The following ZYX variants were observed in gnomAD, a reference collection of about 807,000 sequenced individuals.
ZYX encodes zyxin, also known as zyxin-2.
ZYX carries 37 observed loss-of-function variants against 58.1 expected under a neutral mutation model. The ratio of observed to expected loss-of-function variants is 0.64; its 90% CI spans 0.49 to 0.84. ZYX has a LOEUF of 0.84. Ranked by LOEUF, ZYX falls within the 40% of genes least tolerant of loss-of-function variation. The pLI, the probability that ZYX is intolerant of heterozygous loss-of-function variation, is 0.00. For synonymous variants in ZYX, 324 were observed against 321.1 expected (o/e 1.01, Z -0.10); for missense variants, 762 against 761.6 (o/e 1.00, Z -0.01).
chr7:143,388,101 A>C lies in ZYX; in HGVS notation c.1024-118A>C. On this transcript the variant is annotated intron_variant, in intron 5 of 9. Transcript: ENST00000322764. This position sits in a 1 kb window ranked among gnomAD's most constrained non-coding sequence, Gnocchi z 7.5. ...GGAGAAGCTTTAAGGGTCAAGCCTG[A>C]GCATCTGGGACACGAGCTGGGAGCT... The C allele has an allele frequency of 7.9e-7, 1 of 1,271,540 alleles. No homozygotes were observed. The allele number at this position is 1,271,540 out of a possible 1,614,324, so 78.8% of individuals were successfully genotyped here. A position where few individuals can be genotyped will look rare whatever the true frequency, so the allele number is the denominator to read the frequency against.
rs544777212 is a variant in ZYX, at chr7:143,382,844, G to C, written c.545G>C (p.Ser182Thr). ...YVPPPVATPFSSKSSTKPAAG... is the reference protein window; with the variant it reads ...YVPPPVATPFTSKSSTKPAAG... ...CCCCCACCAGTGGCCACTCCATTCA[G>C]TTCCAAGTCCAGTACCAAGCCTGCA... The change falls in exon 5 of 10, where the codon AGT becomes ACT. Residue 182 changes from serine (S) to threonine (T), a missense_variant. Physicochemically the swap from Ser to Thr is moderately conservative, Grantham distance 58. Coordinates refer to ENST00000322764, the MANE Select transcript of ZYX (RefSeq NM_003461.5). 23 of 1,609,914 alleles carry C rather than the reference G, an allele frequency of 1.4e-5. No individual in the cohort carries two copies. In the South Asian group the frequency reaches 2.3e-4, roughly 16 times the overall value.
rs1805030968 is a variant in ZYX at position 143,390,512 on chromosome 7, G to A, written c.1615-66G>A. The A allele has an allele frequency of 6.8e-6, 8 of 1,176,310 alleles. No individual in the cohort carries two copies. Among genetic ancestry groups the A allele is most frequent in the Admixed American group, 6.1e-5 (3 of 49,440 alleles). The allele number at this position is 1,176,310 out of a possible 1,614,324, so 72.9% of individuals were successfully genotyped here. A position where few individuals can be genotyped will look rare whatever the true frequency, so the allele number is the denominator to read the frequency against. ...TAATTCCAAGATGGAGCTGGATGGG[G>A]TGGGGTAGGGTGGAGCAGAGCAGGG... On this transcript the variant is annotated intron_variant, in intron 9 of 9. Coordinates refer to ENST00000322764, the MANE Select transcript of ZYX (RefSeq NM_003461.5). This position sits in a 1 kb window ranked among gnomAD's most constrained non-coding sequence, Gnocchi z 4.3.
At position 143,390,621 on chromosome 7, in the gene ZYX, G is replaced by T; in HGVS notation, c.1658G>T (p.Cys553Phe). ...PLSIEADDNG[C>F]FPLDGHVLCR... ...TCGATTGAGGCAGATGACAATGGCT[G>T]CTTCCCCCTGGACGGTCACGTGCTC... Residue 553 changes from cysteine (C) to phenylalanine (F), a missense_variant, in exon 10 of 10, where the codon TGC becomes TTC. By Grantham distance (205) the Cys-to-Phe change is radical. Coordinates refer to ENST00000322764, the MANE Select transcript of ZYX (RefSeq NM_003461.5). This position sits in a 1 kb window ranked among gnomAD's most constrained non-coding sequence, Gnocchi z 4.3. The T allele has an allele frequency of 6.3e-7, 1 of 1,585,558 alleles. No individual in the cohort carries two copies. The highest frequency in any genetic ancestry group is 1.2e-5 in the South Asian group (1 of 86,520).
At position 143,382,981 on chromosome 7, in the gene ZYX, C is replaced by T. The variant is rs1343009979; in HGVS notation, c.682C>T (p.Pro228Ser). ...GACACAGTTCCATGTTCAGCCCCAG[C>T]CCCAGCCCAAGCCTCAGGTCCAACT... is the stretch of plus-strand genomic sequence containing the variant. Reference protein sequence around the residue: ...SQTQFHVQPQPQPKPQVQLHV... With the variant: ...SQTQFHVQPQSQPKPQVQLHV... Residue 228 changes from proline (P) to serine (S), a missense_variant, in exon 5 of 10, where the codon CCC becomes TCC. Pro to Ser is a moderately conservative substitution (Grantham distance 74). Coordinates refer to ENST00000322764, the MANE Select transcript of ZYX (RefSeq NM_003461.5). The T allele has an allele frequency of 3.7e-6, 6 of 1,613,378 alleles. No homozygotes were observed. Among genetic ancestry groups the T allele is most frequent in the Non-Finnish European group, 5.1e-6 (6 of 1,179,442 alleles).
chr7:143,386,873 G>A (rs548202913), intron 5 of ZYX, among the ~76,000 whole-genome samples: 5 of 152,288 alleles, frequency 3.3e-5, no homozygotes, highest in Non-Finnish European at 5.9e-5. Context: ...GGTTTGAAGC[G>A]GTGGCATTGG....
At position 143,388,641 on chromosome 7, in the gene ZYX, T is replaced by G; in HGVS notation, c.1297T>G (p.Cys433Gly). Reference sequence around the variant, plus strand: ...CTACAGTCTGGAGGGGGCGCCGTACTGCGAGGGCTGTTACACTGTGAGTCG... The same window carrying G: ...CTACAGTCTGGAGGGGGCGCCGTACGGCGAGGGCTGTTACACTGTGAGTCG... ...QFYSLEGAPYCEGCYTDTLEK... is the reference protein window; with the variant it reads ...QFYSLEGAPYGEGCYTDTLEK... Residue 433 changes from cysteine (C) to glycine (G), a missense_variant, in exon 7 of 10, where the codon TGC becomes GGC. Physicochemically the swap from Cys to Gly is radical, Grantham distance 159 (BLOSUM62 -3). Transcript: ENST00000322764. This position sits in a 1 kb window ranked among gnomAD's most constrained non-coding sequence, Gnocchi z 7.5. 6.2e-7 allele frequency: 1 copy of G among 1,613,654 alleles called. No individual in the cohort carries two copies. Among genetic ancestry groups the G allele is most frequent in the Non-Finnish European group, 8.5e-7 (1 of 1,179,906 alleles).
Position 143,382,700 on chromosome 7 carries a change from A to G in ZYX, c.501+15A>G, listed in dbSNP as rs1346867909. 17 of 1,613,920 alleles carry G rather than the reference A, an allele frequency of 1.1e-5. No individual in the cohort carries two copies. The highest frequency in any genetic ancestry group is 1.4e-5 in the Non-Finnish European group (16 of 1,179,980). On this transcript the variant is annotated intron_variant, in intron 4 of 9. Transcript: ENST00000322764. ...TCAAAGCCCGGGTAAGGGACCGGAG[A>G]GTAGGAAAAGCAGGGCTCAGGGCCA...
At position 143,390,007 on chromosome 7, in the gene ZYX, G is replaced by T; in HGVS notation, c.1614+30G>T. On this transcript the variant is annotated intron_variant, in intron 9 of 9. Transcript: ENST00000322764. This position sits in a 1 kb window ranked among gnomAD's most constrained non-coding sequence, Gnocchi z 4.3. ...GCCATCCCTCTGGACTCCTTGGGCA[G>T]GTTCTGACCAGGAGGTGGCGGGAGA... is the stretch of plus-strand genomic sequence containing the variant. The T allele has an allele frequency of 6.2e-7, 1 of 1,611,112 alleles. No homozygotes were observed. The highest frequency in any genetic ancestry group is 8.5e-7 in the Non-Finnish European group (1 of 1,177,876).
At chr7:143,386,076 T>A (rs577493065) in intron 5 of ZYX, among the ~76,000 whole-genome samples, 7 of 151,916 alleles carry the variant, frequency 4.6e-5, no homozygotes, top group African/African-American at 1.7e-4. Flanking sequence ...TATGTGTGTG[T>A]GCATGTGAGT....
rs1804951676 is a variant in ZYX at position 143,388,612 on chromosome 7, A to G, written c.1268A>G (p.Gln423Arg). 1 of 1,613,344 alleles carries G rather than the reference A, an allele frequency of 6.2e-7. No individual in the cohort carries two copies. Among genetic ancestry groups the G allele is most frequent in the African/African-American group, 1.3e-5 (1 of 75,012 alleles). Residue 423 changes from glutamine (Q) to arginine (R), a missense_variant, in exon 7 of 10, where the codon CAG becomes CGG. Coordinates refer to ENST00000322764, the MANE Select transcript of ZYX (RefSeq NM_003461.5). This position sits in a 1 kb window ranked among gnomAD's most constrained non-coding sequence, Gnocchi z 7.5. The stretch of plus-strand genomic sequence containing the variant: ...TGTGCGCAGCAGCTCCAGGGCCAGC[A>G]GTTCTACAGTCTGGAGGGGGCGCCG... Reference protein sequence around the residue: ...HQCAQQLQGQQFYSLEGAPYC... With the variant: ...HQCAQQLQGQRFYSLEGAPYC...
Position 143,389,750 on chromosome 7 carries a change from T to C in ZYX, c.1494-107T>C. On this transcript the variant is annotated intron_variant, in intron 8 of 9. Coordinates refer to ENST00000322764, the MANE Select transcript of ZYX (RefSeq NM_003461.5). The surrounding 1 kb of genome is among the most constrained non-coding windows in gnomAD (Gnocchi z 5.6). The stretch of plus-strand genomic sequence containing the variant: ...CTGGTGAGCTTCCTTCACCTGGAGA[T>C]GCAGGGCAGAGAAGTCTGCTTCCTT... The C allele has an allele frequency of 6.7e-7, 1 of 1,501,064 alleles. No homozygotes were observed. The allele number at this position is 1,501,064 out of a possible 1,614,324, so 93.0% of individuals were successfully genotyped here.
At chr7:143,385,345 G>A (rs540742456) in intron 5 of ZYX, among the ~76,000 whole-genome samples, 1 of 151,730 alleles carries the variant, frequency 6.6e-6, no homozygotes, top group Non-Finnish European at 1.5e-5. Context: ...ATACACATAT[G>A]TGAATATATG....
chr7:143,383,564 A>T (rs1804746519), intron 5 of ZYX, among the ~76,000 whole-genome samples: 1 of 152,162 alleles, frequency 6.6e-6, no homozygotes, highest in Non-Finnish European at 1.5e-5. Flanking sequence ...GACGGCGCAG[A>T]GAGCATGGGC....
chr7:143,382,211 G>A, intron 2 of ZYX, 37 bp from the exon 3 acceptor site: 3 of 1,575,496 alleles, frequency 1.9e-6, no homozygotes, highest in South Asian at 1.1e-5. Context: ...GAGGGGTAGA[G>A]GGACCCCGGC....
At position 143,390,714 on chromosome 7, in the gene ZYX, A is replaced by G; in HGVS notation, c.*32A>G. On this transcript the variant is annotated 3_prime_UTR_variant, in exon 10 of 10. Transcript: ENST00000322764. The surrounding 1 kb of genome is among the most constrained non-coding windows in gnomAD (Gnocchi z 4.3). ...ACAGGCCCTCTTCAGACCGCAGTCC[A>G]TGCCCCATTGTGGACCACCCACACT... 2 of 1,516,174 alleles carry G rather than the reference A, an allele frequency of 1.3e-6. No homozygotes were observed. The highest frequency in any genetic ancestry group is 2.4e-5 in the East Asian group (1 of 41,576). 93.9% of individuals were successfully genotyped at this position (1,516,174 alleles called of 1,614,324 possible).
At position 143,388,034 on chromosome 7, in the gene ZYX, T is replaced by G; in HGVS notation, c.1024-185T>G. 26 of 643,864 alleles carry G rather than the reference T, an allele frequency of 4.0e-5. No homozygotes were observed. The highest frequency in any genetic ancestry group is 7.3e-5 in the African/African-American group (4 of 54,958). 39.9% of individuals were successfully genotyped at this position (643,864 alleles called of 1,614,324 possible). On this transcript the variant is annotated intron_variant, in intron 5 of 9. Coordinates refer to ENST00000322764, the MANE Select transcript of ZYX (RefSeq NM_003461.5). The surrounding 1 kb of genome is among the most constrained non-coding windows in gnomAD (Gnocchi z 7.5). The stretch of plus-strand genomic sequence containing the variant: ...ATCCAGGCTTAGGTCCCTTCCCCTG[T>G]TATTTGTGTGGTGCTGGGGATGGCG...
At position 143,388,490 on chromosome 7, in the gene ZYX, A is replaced by G; in HGVS notation, c.1146A>G (p.Glu382=). ...HPQRQNVAVN[E]LCGRCHQPLA... ...TGCTGTCTTCTCTGGCCTTCCCAGA[A>G]CTCTGCGGCCGATGCCATCAACCCC... The change falls in exon 7 of 10, where the codon GAA becomes GAG. Residue 382 remains glutamate (E), a splice_region_variant and synonymous_variant. Coordinates refer to ENST00000322764, the MANE Select transcript of ZYX (RefSeq NM_003461.5). This position sits in a 1 kb window ranked among gnomAD's most constrained non-coding sequence, Gnocchi z 7.5. 6.2e-7 allele frequency: 1 copy of G among 1,609,900 alleles called. No individual in the cohort carries two copies. Among genetic ancestry groups the G allele is most frequent in the Non-Finnish European group, 8.5e-7 (1 of 1,179,216 alleles).
chr7:143,388,146 C>T lies in ZYX; in HGVS notation c.1024-73C>T, dbSNP rs1029971305. On this transcript the variant is annotated intron_variant, in intron 5 of 9. Transcript: ENST00000322764. The surrounding 1 kb of genome is among the most constrained non-coding windows in gnomAD (Gnocchi z 7.5). The stretch of plus-strand genomic sequence containing the variant: ...GGAGCTAAGCCTCATCGGAAGAAGC[C>T]GGGTAGGCTGGCCTGGGAAGGTTCT... 1.6e-5 allele frequency: 24 copies of T among 1,513,296 alleles called. No homozygotes were observed. Among genetic ancestry groups the T allele is most frequent in the Middle Eastern group, 2.2e-4 (1 of 4,476 alleles). The allele number at this position is 1,513,296 out of a possible 1,614,324, so 93.7% of individuals were successfully genotyped here.
In ZYX at chr7:143,382,780, TC is replaced by T; in HGVS notation, c.502-18del. On this transcript the variant is annotated intron_variant, in intron 4 of 9. Transcript: ENST00000322764. ...GGTGTCCTCCTGACTGCATCTCTCT[TC>T]CCTCTCCCACCCCTTGCAGGTGTCA... is the stretch of plus-strand genomic sequence containing the variant. 6.2e-7 allele frequency: 1 copy of T among 1,609,456 alleles called. No individual in the cohort carries two copies. The highest frequency in any genetic ancestry group is 8.5e-7 in the Non-Finnish European group (1 of 1,177,084).
Sources: gnomAD v4.1 joint callset for allele counts (sites outside exome capture counted in the v4.1 genomes callset) on GRCh38, gnomAD v4.1.1 for gene constraint, Gnocchi (gnomAD v3.1) non-coding constraint, MANE v1.5 for transcripts, NCBI Gene and HGNC (gene_info 2026-07-23, HGNC 2026-07-21) for gene names.